Variants in CDC42BPA observed in about 807,000 individuals in gnomAD.
CDC42BPA encodes CDC42 binding protein kinase alpha, also known as serine/threonine-protein kinase MRCK alpha.
A neutral mutation model predicts 223.5 loss-of-function variants in CDC42BPA; 80 were observed. The ratio of observed to expected loss-of-function variants is 0.36; its 90% CI spans 0.30 to 0.43. The LOEUF (loss-of-function observed/expected upper bound fraction) is 0.43, where lower values mean the gene tolerates loss of function less well. Ranked by LOEUF, CDC42BPA falls within the 20% of genes least tolerant of loss-of-function variation. CDC42BPA has a pLI of 1.00. For synonymous variants in CDC42BPA, 694 were observed against 718.6 expected (o/e 0.97, Z 0.55); for missense variants, 1,743 against 2,099.9 (o/e 0.83, Z 3.32).
At position 227,025,908 on chromosome 1, in the gene CDC42BPA, T is replaced by C. The variant is rs115479924; in HGVS notation, c.4530+147A>G. 1,123 of 552,890 alleles carry C rather than the reference T, an allele frequency of 2.0e-3. 14 individuals carry two copies. The highest frequency in any genetic ancestry group is 0.02 in the African/African-American group (1,018 of 50,944). The allele number at this position is 552,890 out of a possible 1,614,324, so 34.2% of individuals were successfully genotyped here. On this transcript the variant is annotated intron_variant, in intron 31 of 36. Coordinates refer to ENST00000366766, the MANE Select transcript of CDC42BPA (RefSeq NM_001394014.1). ...GAAATTAACCAACTTTATTTCTGTTTCTATTTTCTCACTCTTAGCTAAGTC... is the reference window on the plus strand; with the variant it reads ...GAAATTAACCAACTTTATTTCTGTTCCTATTTTCTCACTCTTAGCTAAGTC...
At chr1:227,124,243 A>AT (rs951575786) in intron 11 of CDC42BPA, among the ~76,000 whole-genome samples, 24 of 152,132 alleles carry the variant, frequency 1.6e-4, no homozygotes, top group East Asian at 7.7e-4. Flanking sequence ...AAACTGTCGC[A>AT]TTTTTTTCCA....
intron 34 of CDC42BPA, among the ~76,000 whole-genome samples, chr1:227,007,921 C>T (rs999181843): frequency 2.0e-5 from 3 of 152,178 alleles, no homozygotes; most frequent in African/African-American, 7.2e-5. Flanking sequence ...GCCCTTTAAA[C>T]ATAGAAACCC....
intron 5 of CDC42BPA, among the ~76,000 whole-genome samples, chr1:227,185,754 G>T (rs942953384): frequency 3.3e-5 from 5 of 151,006 alleles, no homozygotes; most frequent in Middle Eastern, 3.4e-3. Flanking sequence ...TGTCCATGTC[G>T]TTTTTTTTCT....
At chr1:227,063,470 G>T (rs1208216660) in intron 21 of CDC42BPA, among the ~76,000 whole-genome samples, 3 of 151,852 alleles carry the variant, frequency 2.0e-5, no homozygotes. Flanking sequence ...AGAAGAAATG[G>T]ACTATGTAAT....
chr1:227,154,387 A>G (rs1662339960), intron 6 of CDC42BPA, among the ~76,000 whole-genome samples: 1 of 151,986 alleles, frequency 6.6e-6, no homozygotes, highest in Non-Finnish European at 1.5e-5. Context: ...ATGGTAAGAG[A>G]AAAAAATAGC....
intron 5 of CDC42BPA, among the ~76,000 whole-genome samples, chr1:227,188,298 A>G (rs1337279310): frequency 6.6e-6 from 1 of 152,178 alleles, no homozygotes; most frequent in Non-Finnish European, 1.5e-5. Context: ...AAGCAGTACC[A>G]TGTCATTTCA....
At chr1:227,071,917 T>C (rs1678460683) in intron 20 of CDC42BPA, among the ~76,000 whole-genome samples, 1 of 151,812 alleles carries the variant, frequency 6.6e-6, no homozygotes. Context: ...ATTCATGAAG[T>C]AGTCCACTGC....
intron 2 of CDC42BPA, among the ~76,000 whole-genome samples, chr1:227,235,983 C>T (rs1228094632): frequency 6.6e-6 from 1 of 152,220 alleles, no homozygotes; most frequent in Non-Finnish European, 1.5e-5. Flanking sequence ...AAGAAAGCCA[C>T]TTTCTCCTGG....
chr1:227,217,472 A>G (rs1045290657), intron 2 of CDC42BPA, among the ~76,000 whole-genome samples: 1 of 151,740 alleles, frequency 6.6e-6, no homozygotes, highest in African/African-American at 2.4e-5. Context: ...AAGAAAAAAA[A>G]GAAAATCTTG....
At chr1:227,230,956 G>C (rs1189969539) in intron 2 of CDC42BPA, among the ~76,000 whole-genome samples, 1 of 151,176 alleles carries the variant, frequency 6.6e-6, no homozygotes, top group Non-Finnish European at 1.5e-5. Context: ...GAGTAGCTGG[G>C]ACTACAGGCA....
intron 3 of CDC42BPA, among the ~76,000 whole-genome samples, chr1:227,208,873 T>G (rs1673333758): frequency 6.6e-6 from 1 of 152,072 alleles, no homozygotes; most frequent in Admixed American, 6.5e-5. Context: ...TTTAAAGTAG[T>G]TTTTTCCAAT....
chr1:227,262,686 G>C (rs971845732), intron 1 of CDC42BPA, among the ~76,000 whole-genome samples: 8 of 152,148 alleles, frequency 5.3e-5, no homozygotes, highest in Non-Finnish European at 1.2e-4. Flanking sequence ...GATACCCTGA[G>C]AATGTTATTT....
intron 2 of CDC42BPA, among the ~76,000 whole-genome samples, chr1:227,220,311 T>TATATATATATATAC (rs1210485137): frequency 1.3e-3 from 62 of 49,496 alleles, no homozygotes; most frequent in Admixed American, 2.3e-3. Context: ...TATATATATA[T>TATATATATATATAC]ACACACACAC....
intron 6 of CDC42BPA, among the ~76,000 whole-genome samples, chr1:227,151,700 T>C (rs1245016603): frequency 6.6e-6 from 1 of 152,010 alleles, no homozygotes; most frequent in African/African-American, 2.4e-5. Flanking sequence ...GTTTTGTGTT[T>C]CTCTAATTAT....
chr1:227,214,800 G>A (rs1674541165), intron 2 of CDC42BPA, among the ~76,000 whole-genome samples: 1 of 152,118 alleles, frequency 6.6e-6, no homozygotes, highest in Non-Finnish European at 1.5e-5. Flanking sequence ...CTGTAAGTAT[G>A]TATCTGATGA....
At chr1:227,217,272 C>A (rs1055962355) in intron 2 of CDC42BPA, among the ~76,000 whole-genome samples, 2 of 151,862 alleles carry the variant, frequency 1.3e-5, no homozygotes, top group African/African-American at 2.4e-5. Flanking sequence ...CATAATGAAA[C>A]CCCATCTCTA....
intron 5 of CDC42BPA, among the ~76,000 whole-genome samples, chr1:227,175,539 T>C (rs1666805365): frequency 6.6e-6 from 1 of 152,188 alleles, no homozygotes; most frequent in African/African-American, 2.4e-5. Flanking sequence ...GTACTGTTCA[T>C]ATTTTCAGTT....
rs1685840774 is a variant in CDC42BPA at position 227,105,879 on chromosome 1, A to G, written c.2002-4640T>C. On this transcript the variant is annotated intron_variant, in intron 14 of 36. Coordinates refer to ENST00000366766, the MANE Select transcript of CDC42BPA (RefSeq NM_001394014.1). ...CTTGGATTGTTTCCACCTTTTGGCT[A>G]CTGCAATAATACTTCAATAAACACT... is the stretch of plus-strand genomic sequence containing the variant. Among the ~76,000 whole-genome samples, 3 of 152,158 alleles carry G rather than the reference A, an allele frequency of 2.0e-5. No homozygotes were observed. In the South Asian group the frequency reaches 6.2e-4, roughly 31 times the overall value.
At chr1:227,260,306 C>T (rs1683819343) in intron 1 of CDC42BPA, among the ~76,000 whole-genome samples, 1 of 151,008 alleles carries the variant, frequency 6.6e-6, no homozygotes, top group Non-Finnish European at 1.5e-5. Flanking sequence ...TAAAACACTG[C>T]CTGGGGTTCA....
Sources: gnomAD v4.1 joint callset for allele counts (sites outside exome capture counted in the v4.1 genomes callset) on GRCh38, gnomAD v4.1.1 for gene constraint, MANE v1.5 for transcripts, NCBI Gene and HGNC (gene_info 2026-07-23, HGNC 2026-07-21) for gene names.